The following TRIM67 variants were observed in gnomAD, a reference collection of about 807,000 sequenced individuals.
The protein encoded by TRIM67 is tripartite motif containing 67.
Under a neutral mutation model 71.0 loss-of-function variants are expected in TRIM67, and 39 were observed. The ratio of observed to expected loss-of-function variants is 0.55; its 90% CI spans 0.43 to 0.72. The LOEUF is 0.72. TRIM67 is among the 30% of genes least tolerant of loss of function. TRIM67 has a pLI of 0.00. For missense variants in TRIM67, 973 were observed against 1,079.2 expected, an observed-to-expected ratio of 0.90 and a Z score of 1.38; for synonymous variants, 481 against 473.9, an observed-to-expected ratio of 1.01 and a Z score of -0.19.
Position 231,163,804 on chromosome 1 carries a change from G to T in TRIM67, c.835G>T (p.Gly279Cys). 6.7e-7 allele frequency: 1 copy of T among 1,494,754 alleles called. No homozygotes were observed. Among genetic ancestry groups the T allele is most frequent in the Non-Finnish European group, 8.9e-7 (1 of 1,118,156 alleles). 92.6% of individuals were successfully genotyped at this position (1,494,754 alleles called of 1,614,324 possible). A position where few individuals can be genotyped will look rare whatever the true frequency, so the allele number is the denominator to read the frequency against. ...GTAQGAPSGG[G>C]GCKSPGGAGA... is the part of the protein sequence containing the mutation. ...CGCCCAGGGCGCCCCCAGCGGAGGC[G>T]GCGGCTGCAAGAGCCCGGGAGGCGC... The change falls in exon 1 of 10, where the codon GGC becomes TGC. Residue 279 changes from glycine (G) to cysteine (C), a missense_variant. Gly to Cys is a radical substitution (Grantham distance 159, BLOSUM62 -3). Transcript: ENST00000366653.
At chr1:231,165,266 C>G (rs1028486293) in intron 1 of TRIM67, among the ~76,000 whole-genome samples, 3 of 152,192 alleles carry the variant, frequency 2.0e-5, no homozygotes, top group African/African-American at 7.2e-5. Flanking sequence ...GAGAGAAATC[C>G]TGCTCTATAG....
intron 1 of TRIM67, among the ~76,000 whole-genome samples, chr1:231,183,039 C>A (rs1203620161): frequency 6.6e-6 from 1 of 152,196 alleles, no homozygotes; most frequent in African/African-American, 2.4e-5. Flanking sequence ...TCCCTGCAAG[C>A]CTTGGGGCAG....
intron 1 of TRIM67, among the ~76,000 whole-genome samples, chr1:231,182,499 A>G (rs529482226): frequency 6.6e-6 from 1 of 152,336 alleles, no homozygotes; most frequent in East Asian, 1.9e-4. Flanking sequence ...ACATCTCAAC[A>G]GGACTTGAAG....
rs1683457460 is a variant in TRIM67, at chr1:231,199,310, G to A, written c.1263+141G>A. The A allele has an allele frequency of 6.0e-6, 5 of 833,200 alleles. No individual in the cohort carries two copies. In the South Asian group the frequency reaches 7.9e-5, roughly 13 times the overall value. The allele number at this position is 833,200 out of a possible 1,614,324, so 51.6% of individuals were successfully genotyped here. A position where few individuals can be genotyped will look rare whatever the true frequency, so the allele number is the denominator to read the frequency against. On this transcript the variant is annotated intron_variant, in intron 3 of 9. Coordinates refer to ENST00000366653, the MANE Select transcript of TRIM67 (RefSeq NM_001004342.5). The stretch of plus-strand genomic sequence containing the variant: ...CTAATGAATGAATGAGGCAAGGAAG[G>A]GATGCACCAGCTGGTTCGGTTACAT...
At chr1:231,197,912 A>G (rs977245817) in intron 2 of TRIM67, among the ~76,000 whole-genome samples, 5 of 152,124 alleles carry the variant, frequency 3.3e-5, no homozygotes, top group Non-Finnish European at 5.9e-5. Context: ...TGTAGCAAGC[A>G]TTTTCTCAGT....
chr1:231,187,540 A>G (rs746878505), intron 1 of TRIM67: 10 of 1,532,984 alleles, frequency 6.5e-6, no homozygotes, highest in South Asian at 1.2e-5. Flanking sequence ...GGCAGATAAA[A>G]AGGTGAGAGA....
At chr1:231,186,160 G>A (rs548887027) in intron 1 of TRIM67, 17 of 1,533,270 alleles carry the variant, frequency 1.1e-5, no homozygotes, top group African/African-American at 8.2e-5. Context: ...AGGCTGAGGC[G>A]CTCCCTCTTT....
chr1:231,209,138 G>A lies in TRIM67; in HGVS notation c.2011G>A (p.Ala671Thr). 2 of 1,613,890 alleles carry A rather than the reference G, an allele frequency of 1.2e-6. No homozygotes were observed. The highest frequency in any genetic ancestry group is 1.7e-6 in the Non-Finnish European group (2 of 1,179,854). ...DNHPDPAFGVARASVVKDMML... is the reference protein window; with the variant it reads ...DNHPDPAFGVTRASVVKDMML... Reference sequence around the variant, plus strand: ...CCACCCAGACCCCGCCTTCGGGGTGGCCAGGGCCAGCGTGGTCAAGGACAT... The same window carrying A: ...CCACCCAGACCCCGCCTTCGGGGTGACCAGGGCCAGCGTGGTCAAGGACAT... Residue 671 changes from alanine (A) to threonine (T), a missense_variant, in exon 8 of 10, where the codon GCC becomes ACC. Transcript: ENST00000366653. The surrounding 1 kb of genome is among the most constrained non-coding windows in gnomAD (Gnocchi z 4.1).
rs1683993626 is a variant in TRIM67, at chr1:231,215,525, C to A, written c.*85C>A. On this transcript the variant is annotated 3_prime_UTR_variant, in exon 10 of 10. Coordinates refer to ENST00000366653, the MANE Select transcript of TRIM67 (RefSeq NM_001004342.5). ...ATTCTCACTAAGCTCAAATAACCCA[C>A]AAAAGCAGGATATGCAAATCATGGG... 1 of 1,475,774 alleles carries A rather than the reference C, an allele frequency of 6.8e-7. No homozygotes were observed. The allele number at this position is 1,475,774 out of a possible 1,614,324, so 91.4% of individuals were successfully genotyped here. A position where few individuals can be genotyped will look rare whatever the true frequency, so the allele number is the denominator to read the frequency against.
intron 1 of TRIM67, among the ~76,000 whole-genome samples, chr1:231,181,860 T>C (rs1682915655): frequency 6.6e-6 from 1 of 152,220 alleles, no homozygotes; most frequent in Admixed American, 6.5e-5. Flanking sequence ...ACCTTTTTTC[T>C]GGATAGTTTG....
rs138902957 is a variant in TRIM67 at position 231,195,595 on chromosome 1, C to T, written c.1045-1776C>T. ...ATCCTTAGCCTAAGGCTCCTGCTCT[C>T]TCTGAGCAGACAGCCTAGACCTTGA... On this transcript the variant is annotated intron_variant, in intron 1 of 9. Transcript: ENST00000366653. Among the ~76,000 whole-genome samples, 1,224 of 152,346 alleles carry T rather than the reference C, an allele frequency of 8.0e-3. 26 individuals are homozygous for T. The highest frequency in any genetic ancestry group is 0.028 in the African/African-American group (1,161 of 41,580).
Position 231,216,870 on chromosome 1 carries a change from C to T in TRIM67, c.*1430C>T. 6 of 985,604 alleles carry T rather than the reference C, an allele frequency of 6.1e-6. No individual in the cohort carries two copies. Among genetic ancestry groups the T allele is most frequent in the Non-Finnish European group, 7.2e-6 (6 of 829,998 alleles). 61.1% of individuals were successfully genotyped at this position (985,604 alleles called of 1,614,324 possible). ...TTCCTCTCCTCCCTCCTCTCATCTT[C>T]CCAGTCACCTGCCACCTCCAGCTCC... On this transcript the variant is annotated 3_prime_UTR_variant, in exon 10 of 10. Transcript: ENST00000366653.
At chr1:231,169,448 C>G (rs1682566210) in intron 1 of TRIM67, among the ~76,000 whole-genome samples, 1 of 131,248 alleles carries the variant, frequency 7.6e-6, no homozygotes, top group South Asian at 2.5e-4. Context: ...TGCACCATGT[C>G]AGTTCACTGC....
Position 231,216,936 on chromosome 1 carries a change from A to G in TRIM67, c.*1496A>G. 1.0e-6 allele frequency: 1 copy of G among 985,642 alleles called. No individual in the cohort carries two copies. Among genetic ancestry groups the G allele is most frequent in the Non-Finnish European group, 1.2e-6 (1 of 829,934 alleles). The allele number at this position is 985,642 out of a possible 1,614,324, so 61.1% of individuals were successfully genotyped here. A position where few individuals can be genotyped will look rare whatever the true frequency, so the allele number is the denominator to read the frequency against. ...TTCTCTCTCCTTTTAAAAAGAATATATTTTGTCAAGCATTTTATTTCTGAG... is the reference window on the plus strand; with the variant it reads ...TTCTCTCTCCTTTTAAAAAGAATATGTTTTGTCAAGCATTTTATTTCTGAG... On this transcript the variant is annotated 3_prime_UTR_variant, in exon 10 of 10. Transcript: ENST00000366653.
chr1:231,178,862 C>T (rs1026770749), intron 1 of TRIM67, among the ~76,000 whole-genome samples: 1 of 152,174 alleles, frequency 6.6e-6, no homozygotes, highest in African/African-American at 2.4e-5. Flanking sequence ...GTAAAAGGTT[C>T]CTATTACACC....
At position 231,209,104 on chromosome 1, in the gene TRIM67, G is replaced by A; in HGVS notation, c.1977G>A (p.Arg659=). The A allele has an allele frequency of 6.2e-7, 1 of 1,613,976 alleles. No homozygotes were observed. Reference sequence around the variant, plus strand: ...ACTACTGGGAGCTGCACGTGGACCGGTACGACAACCACCCAGACCCCGCCT... The same window carrying A: ...ACTACTGGGAGCTGCACGTGGACCGATACGACAACCACCCAGACCCCGCCT... ...GVHYWELHVD[R]YDNHPDPAFG... is the part of the protein sequence containing the mutation. The change falls in exon 8 of 10, where the codon CGG becomes CGA. Residue 659 remains arginine (R), a synonymous_variant. Coordinates refer to ENST00000366653, the MANE Select transcript of TRIM67 (RefSeq NM_001004342.5). The surrounding 1 kb of genome is among the most constrained non-coding windows in gnomAD (Gnocchi z 4.1).
chr1:231,216,308 G>A lies in TRIM67; in HGVS notation c.*868G>A, dbSNP rs1684012688. 1.0e-6 allele frequency: 1 copy of A among 984,630 alleles called. No individual in the cohort carries two copies. Among genetic ancestry groups the A allele is most frequent in the South Asian group, 4.7e-5 (1 of 21,250 alleles). 61.0% of individuals were successfully genotyped at this position (984,630 alleles called of 1,614,324 possible). ...CTCTCTCTCTCTCACACACACACAG[G>A]CATGACAGTCTCCTAAAATTAATTC... On this transcript the variant is annotated 3_prime_UTR_variant, in exon 10 of 10. Transcript: ENST00000366653.
intron 1 of TRIM67, among the ~76,000 whole-genome samples, chr1:231,187,031 A>G (rs1007333123): frequency 5.3e-5 from 8 of 152,200 alleles, no homozygotes; most frequent in Non-Finnish European, 7.3e-5. Flanking sequence ...AAGCATATGG[A>G]TCTCGACCAG....
intron 1 of TRIM67, among the ~76,000 whole-genome samples, chr1:231,181,986 C>T (rs1300526475): frequency 6.6e-6 from 1 of 152,210 alleles, no homozygotes; most frequent in Non-Finnish European, 1.5e-5. Context: ...ACTTCCGCAG[C>T]ATGTTATCCT....
Sources: allele counts gnomAD v4.1 joint callset (sites outside exome capture counted in the v4.1 genomes callset), GRCh38; gene constraint gnomAD v4.1.1; non-coding constraint Gnocchi (gnomAD v3.1); transcripts MANE v1.5; gene names NCBI Gene and HGNC (gene_info 2026-07-23, HGNC 2026-07-21).